Variants in ADCY2 observed in about 807,000 individuals in gnomAD.
The protein encoded by ADCY2 is adenylate cyclase 2, also known as adenylate cyclase type 2.
Under a neutral mutation model 125.2 loss-of-function variants are expected in ADCY2, and 31 were observed. That is an observed-to-expected ratio of 0.25 (90% CI 0.19 to 0.33). The LOEUF is 0.33. Ranked by LOEUF, ADCY2 falls within the 10% of genes least tolerant of loss-of-function variation. The pLI is 1.00. For synonymous variants in ADCY2, 512 were observed against 548.4 expected (o/e 0.93, Z 0.93); for missense variants, 904 against 1,418.2 (o/e 0.64, Z 5.82).
intron 4 of ADCY2, among the ~76,000 whole-genome samples, chr5:7,627,174 A>C (rs942454025): frequency 1.3e-5 from 2 of 152,094 alleles, no homozygotes; most frequent in African/African-American, 4.8e-5. Context: ...AGTCTTCCTC[A>C]GGGAGGTGAT....
intron 12 of ADCY2, among the ~76,000 whole-genome samples, chr5:7,721,366 T>C (rs527288951): frequency 1.3e-5 from 2 of 152,354 alleles, no homozygotes; most frequent in African/African-American, 4.8e-5. Context: ...ACTCTGATGG[T>C]AGTTTCTTTT....
At chr5:7,453,661 G>A (rs1741555808) in intron 2 of ADCY2, among the ~76,000 whole-genome samples, 1 of 152,228 alleles carries the variant, frequency 6.6e-6, no homozygotes, top group African/African-American at 2.4e-5. Context: ...CTTGAAAGAC[G>A]AGTGCACGGT....
At chr5:7,572,765 C>T (rs1482617229) in intron 3 of ADCY2, among the ~76,000 whole-genome samples, 7 of 151,888 alleles carry the variant, frequency 4.6e-5, no homozygotes, top group East Asian at 1.9e-4. Flanking sequence ...TATAGTTTAG[C>T]GTTATACATT....
intron 17 of ADCY2, among the ~76,000 whole-genome samples, chr5:7,770,475 A>G (rs1423754977): frequency 6.6e-6 from 1 of 152,212 alleles, no homozygotes; most frequent in Non-Finnish European, 1.5e-5. Flanking sequence ...AGCTGTTCCA[A>G]AAACCAAAAC....
At chr5:7,797,198 C>T (rs1482377224) in intron 20 of ADCY2, 1 of 152,306 alleles carries the variant, frequency 6.6e-6, no homozygotes, top group East Asian at 1.9e-4. Context: ...CATTTGACTC[C>T]CCTGAGTAAA....
rs1741871217 is a variant in ADCY2, at chr5:7,460,336, C to G, written c.408+45566C>G. On this transcript the variant is annotated intron_variant, in intron 2 of 24. Transcript: ENST00000338316. The stretch of plus-strand genomic sequence containing the variant: ...CTTGACTTCCTGGGCTCAAGTGATC[C>G]TTCCACCTCAGCCTCCCAAGTAGCT... Among the ~76,000 whole-genome samples, 6 of 152,230 alleles carry G rather than the reference C, an allele frequency of 3.9e-5. No individual in the cohort carries two copies. In the South Asian group the frequency reaches 1.2e-3, roughly 32 times the overall value.
At chr5:7,702,482 G>A (rs1295584363) in intron 7 of ADCY2, among the ~76,000 whole-genome samples, 2 of 151,926 alleles carry the variant, frequency 1.3e-5, no homozygotes, top group Non-Finnish European at 2.9e-5. Flanking sequence ...TGTGGTGTTA[G>A]GTTTTTTGTC....
chr5:7,626,923 C>T (rs1173462209), intron 4 of ADCY2, among the ~76,000 whole-genome samples: 1 of 152,176 alleles, frequency 6.6e-6, no homozygotes, highest in Admixed American at 6.5e-5. Flanking sequence ...GCATCTTCCC[C>T]ATGCAGCCTT....
intron 17 of ADCY2, among the ~76,000 whole-genome samples, chr5:7,770,494 G>T (rs1237781531): frequency 6.6e-6 from 1 of 152,080 alleles, no homozygotes; most frequent in African/African-American, 2.4e-5. Flanking sequence ...ACTTACAAAG[G>T]ACTTTAGTTT....
chr5:7,396,330 C>A lies in ADCY2; in HGVS notation c.34C>A (p.Leu12Met). Residue 12 changes from leucine (L) to methionine (M), a missense_variant, in exon 1 of 25, where the codon CTG becomes ATG. Physicochemically the swap from Leu to Met is conservative, Grantham distance 15 (BLOSUM62 2). Transcript: ENST00000338316. This position sits in a 1 kb window ranked among gnomAD's most constrained non-coding sequence, Gnocchi z 5.7. Reference sequence around the variant, plus strand: ...GGAGGCGATGCGGCGCCGCCGCTACCTGCGGGACCGCTCCGAGGAGGCGGC... The same window carrying A: ...GGAGGCGATGCGGCGCCGCCGCTACATGCGGGACCGCTCCGAGGAGGCGGC... The part of the protein sequence containing the change: ...WQEAMRRRRY[L>M]RDRSEEAAGG... 1 of 1,517,848 alleles carries A rather than the reference C, an allele frequency of 6.6e-7. No individual in the cohort carries two copies. 94.0% of individuals were successfully genotyped at this position (1,517,848 alleles called of 1,614,324 possible).
chr5:7,722,198 G>T (rs549860103), intron 12 of ADCY2, among the ~76,000 whole-genome samples: 1 of 152,244 alleles, frequency 6.6e-6, no homozygotes, highest in African/African-American at 2.4e-5. Flanking sequence ...AGCACCACAT[G>T]GGTTCTGGGG....
intron 17 of ADCY2, among the ~76,000 whole-genome samples, chr5:7,771,944 C>A (rs1436359898): frequency 6.6e-6 from 1 of 152,152 alleles, no homozygotes; most frequent in Non-Finnish European, 1.5e-5. Context: ...GAAACACAAA[C>A]CCTTGTTCAC....
rs1268864656 is a variant in ADCY2, at chr5:7,690,742, G to A, written c.772G>A (p.Ala258Thr). ...GGCCCACATCGCCATGGAGATGAAA[G>A]CGGAGATCATCCAGAGGCTGCAGGG... ...LPAHIAMEMK[A>T]EIIQRLQGPK... is the part of the protein sequence containing the mutation. Residue 258 changes from alanine to threonine, a missense_variant, in exon 5 of 25, where the codon GCG becomes ACG. Coordinates refer to ENST00000338316, the MANE Select transcript of ADCY2 (RefSeq NM_020546.3). 7.5e-6 allele frequency: 12 copies of A among 1,610,736 alleles called. No homozygotes were observed. Among genetic ancestry groups the A allele is most frequent in the Non-Finnish European group, 1.0e-5 (12 of 1,178,768 alleles).
At chr5:7,761,177 T>C in intron 16 of ADCY2, among the ~76,000 whole-genome samples, 2 of 111,816 alleles carry the variant, frequency 1.8e-5, no homozygotes, top group Middle Eastern at 6.1e-3. Context: ...TGAGATGGAG[T>C]CTCGCCCTGT....
At chr5:7,474,620 T>C (rs1742452501) in intron 2 of ADCY2, among the ~76,000 whole-genome samples, 1 of 152,094 alleles carries the variant, frequency 6.6e-6, no homozygotes. Flanking sequence ...AAGGAATGAA[T>C]AAAAGGCCAC....
intron 6 of ADCY2, among the ~76,000 whole-genome samples, chr5:7,696,582 C>T (rs1740901495): frequency 6.6e-6 from 1 of 152,194 alleles, no homozygotes; most frequent in South Asian, 2.1e-4. Context: ...TCAATTCTCT[C>T]TTTGAATTGT....
Position 7,819,530 on chromosome 5 carries a change from A to G in ADCY2, c.2999-1035A>G, listed in dbSNP as rs549404138. 1.4e-3 allele frequency among the ~76,000 whole-genome samples: 207 copies of G among 152,286 alleles called. 1 individual carries two copies. Among genetic ancestry groups the G allele is most frequent in the African/African-American group, 4.7e-3 (196 of 41,558 alleles). On this transcript the variant is annotated intron_variant, in intron 23 of 24. Coordinates refer to ENST00000338316, the MANE Select transcript of ADCY2 (RefSeq NM_020546.3). ...TGGTGTTTATTGACATTAAATGTCT[A>G]CTTTACCCTGATTGTCCAATAACTG...
intron 3 of ADCY2, among the ~76,000 whole-genome samples, chr5:7,612,239 CTA>C (rs1156661331): frequency 2.0e-5 from 3 of 152,298 alleles, no homozygotes; most frequent in South Asian, 2.1e-4. Context: ...ACATCATGCA[CTA>C]TAAATAGGAA....
rs977959742 is a variant in ADCY2, at chr5:7,828,318, T to C, written c.*1447T>C. 2.6e-5 allele frequency: 4 copies of C among 152,576 alleles called. No individual in the cohort carries two copies. The highest frequency in any genetic ancestry group is 9.6e-5 in the African/African-American group (4 of 41,452). The allele number at this position is 152,576 out of a possible 1,614,324, so 9.5% of individuals were successfully genotyped here. On this transcript the variant is annotated 3_prime_UTR_variant, in exon 25 of 25. Coordinates refer to ENST00000338316, the MANE Select transcript of ADCY2 (RefSeq NM_020546.3). ...TGGGAACTCGAACTTGAAGCACAAG[T>C]TCCTGGTTTGAATCCTGGCTCTGAT...
Sources: allele counts gnomAD v4.1 joint callset (sites outside exome capture counted in the v4.1 genomes callset), GRCh38; gene constraint gnomAD v4.1.1; non-coding constraint Gnocchi (gnomAD v3.1); transcripts MANE v1.5; gene names NCBI Gene and HGNC (gene_info 2026-07-23, HGNC 2026-07-21).